Variants in LRRC37A2 observed in about 807,000 individuals in gnomAD.
The protein encoded by LRRC37A2 is leucine-rich repeat-containing protein 37A2.
In LRRC37A2, 9 loss-of-function variants were observed where a neutral mutation model predicts 68.8. The ratio of observed to expected loss-of-function variants is 0.13; its 90% CI spans 0.08 to 0.23. LRRC37A2 has a LOEUF of 0.23. Among genes scored for constraint, LRRC37A2 ranks in the 10% least tolerant of loss-of-function variants. LRRC37A2 has a pLI of 1.00. For missense variants in LRRC37A2, 168 were observed against 950.4 expected (o/e 0.18, Z 10.82); for synonymous variants, 63 against 367.6 (o/e 0.17, Z 9.48).
At chr17:46,915,631 C>T in the LRRC37A2 span, among the ~76,000 whole-genome samples, 1 of 152,230 alleles carries the variant, frequency 6.6e-6, no homozygotes, top group Admixed American at 6.5e-5. Context: ...CAGGGGACCC[C>T]ACACTTTTGA....
chr17:46,858,489 TATTTTA>T, the LRRC37A2 span, among the ~76,000 whole-genome samples: 1 of 152,056 alleles, frequency 6.6e-6, no homozygotes, highest in African/African-American at 2.4e-5. Context: ...TATTTTATTT[TATTTTA>T]TTTTTTGGAG....
the LRRC37A2 span, among the ~76,000 whole-genome samples, chr17:46,852,263 A>G: frequency 6.8e-6 from 1 of 146,330 alleles, no homozygotes; most frequent in East Asian, 2.4e-4. Flanking sequence ...AATGGGGGAA[A>G]CCTCGGACGG....
At chr17:46,989,179 G>A in the LRRC37A2 span, among the ~76,000 whole-genome samples, 1 of 152,144 alleles carries the variant, frequency 6.6e-6, no homozygotes, top group Non-Finnish European at 1.5e-5. Context: ...ATGCCTTTCC[G>A]GTGAAGGACA....
the LRRC37A2 span, among the ~76,000 whole-genome samples, chr17:46,723,210 A>G: frequency 6.6e-6 from 1 of 152,220 alleles, no homozygotes; most frequent in African/African-American, 2.4e-5. Flanking sequence ...AACTACTGCA[A>G]CCAGCCAGGC....
At chr17:46,875,624 C>G in the LRRC37A2 span, among the ~76,000 whole-genome samples, 2 of 152,224 alleles carry the variant, frequency 1.3e-5, no homozygotes, top group Admixed American at 1.3e-4. Flanking sequence ...CAGTGGGAGC[C>G]AGGCTTAGGA....
the LRRC37A2 span, among the ~76,000 whole-genome samples, chr17:46,727,974 T>C: frequency 6.6e-6 from 1 of 152,196 alleles, no homozygotes; most frequent in East Asian, 1.9e-4. Flanking sequence ...AAGTAGAATG[T>C]GCCATGTATT....
chr17:46,735,425 C>T, the LRRC37A2 span, among the ~76,000 whole-genome samples: 14 of 151,632 alleles, frequency 9.2e-5, no homozygotes, highest in African/African-American at 3.1e-4. Context: ...GTTAAGAGCA[C>T]CCTTTCTGTA....
chr17:46,936,785 A>G, the LRRC37A2 span: 1 of 984,406 alleles, frequency 1.0e-6, no homozygotes, highest in African/African-American at 1.7e-5. Flanking sequence ...CTCGGGGAAA[A>G]AAAAATACAA....
the LRRC37A2 span, among the ~76,000 whole-genome samples, chr17:47,036,122 T>C: frequency 6.6e-6 from 1 of 152,046 alleles, no homozygotes; most frequent in African/African-American, 2.4e-5. Flanking sequence ...TCTGTGACTT[T>C]CTTGCCAGTG....
the LRRC37A2 span, among the ~76,000 whole-genome samples, chr17:46,739,066 T>C: frequency 6.7e-6 from 1 of 148,628 alleles, no homozygotes; most frequent in Admixed American, 6.7e-5. Flanking sequence ...CAAAACCCCA[T>C]CTCTACTAAA....
At chr17:46,939,721 A>T in the LRRC37A2 span, 3 of 985,584 alleles carry the variant, frequency 3.0e-6, no homozygotes, top group Non-Finnish European at 3.6e-6. Context: ...CACCGTGGAG[A>T]CATCTGTAGT....
the LRRC37A2 span, chr17:47,010,323 G>A: frequency 7.2e-5 from 11 of 152,218 alleles, no homozygotes; most frequent in Admixed American, 1.3e-4. Flanking sequence ...CTATGCATAT[G>A]GGGGGTGACA....
chr17:46,915,206 T>C, the LRRC37A2 span, among the ~76,000 whole-genome samples: 10 of 152,146 alleles, frequency 6.6e-5, no homozygotes, highest in African/African-American at 2.4e-4. Context: ...ACACAGAGGG[T>C]ACGATATGGC....
the LRRC37A2 span, among the ~76,000 whole-genome samples, chr17:46,817,956 G>C: frequency 6.6e-6 from 1 of 152,064 alleles, no homozygotes; most frequent in Non-Finnish European, 1.5e-5. Context: ...TAGAGCGGTG[G>C]GGAGAATCTG....
chr17:46,583,278 TTTTATTTA>T, the LRRC37A2 span, among the ~76,000 whole-genome samples: 2 of 74,666 alleles, frequency 2.7e-5, no homozygotes, highest in African/African-American at 7.6e-5. Flanking sequence ...GGATTTAAGA[TTTTATTTA>T]TTTATTTATT....
At chr17:46,931,109 C>T in the LRRC37A2 span, 20 of 1,583,926 alleles carry the variant, frequency 1.3e-5, no homozygotes, top group African/African-American at 1.3e-4. Context: ...TAGTAGAAAA[C>T]GAAATCCAAG....
At chr17:46,899,992 G>A in the LRRC37A2 span, among the ~76,000 whole-genome samples, 8 of 151,186 alleles carry the variant, frequency 5.3e-5, no homozygotes, top group African/African-American at 1.2e-4. Flanking sequence ...CTCAACCCCC[G>A]TGAGTCTCAG....
chr17:46,770,514 G>A, the LRRC37A2 span, among the ~76,000 whole-genome samples: 1 of 150,894 alleles, frequency 6.6e-6, no homozygotes, highest in African/African-American at 2.5e-5. Flanking sequence ...GCCTAAACCT[G>A]CCCAGGCCCA....
At chr17:46,771,702 C>A in the LRRC37A2 span, among the ~76,000 whole-genome samples, 5 of 143,882 alleles carry the variant, frequency 3.5e-5, no homozygotes, top group Non-Finnish European at 3.1e-5. Context: ...GCGGCCGGGC[C>A]GCGCCCCCGG....
Sources: gnomAD v4.1 joint callset for allele counts (sites outside exome capture counted in the v4.1 genomes callset) on GRCh38, gnomAD v4.1.1 for gene constraint, MANE v1.5 for transcripts, NCBI Gene and HGNC (gene_info 2026-07-23, HGNC 2026-07-21) for gene names.